ALG9: variants seen among roughly 807,000 people sequenced by gnomAD.
ALG9 encodes ALG9 alpha-1,2-mannosyltransferase, also known as alpha-1,2-mannosyltransferase ALG9.
A neutral mutation model predicts 81.8 loss-of-function variants in ALG9; 55 were observed. That is an observed-to-expected ratio of 0.67 (90% CI 0.54 to 0.84). ALG9 has a LOEUF of 0.84. Ranked by LOEUF, ALG9 falls within the 40% of genes least tolerant of loss-of-function variation. The probability of loss-of-function intolerance (pLI) is 0.00; values close to 1 mark genes in which losing one functional copy is unlikely to be tolerated. For missense variants in ALG9, 629 were observed against 745.0 expected (o/e 0.84, Z 1.81); for synonymous variants, 278 against 274.3 (o/e 1.01, Z -0.13).
intron 4 of ALG9, chr11:111,864,355 C>A: frequency 2.6e-6 from 2 of 769,586 alleles, no homozygotes; most frequent in South Asian, 1.4e-5. Flanking sequence ...CAGCTGCAGA[C>A]TTCAAACAAT....
intron 14 of ALG9, among the ~76,000 whole-genome samples, chr11:111,793,430 T>G (rs1555072295): frequency 6.6e-6 from 1 of 152,108 alleles, no homozygotes; most frequent in African/African-American, 2.4e-5. Flanking sequence ...GTATTGTTAT[T>G]GAAAAAAGGA....
chr11:111,793,212 GC>G lies in ALG9; in HGVS notation c.1734-6693del. ...GCCCAGACTAGTCTCAAACTCCCGG[GC>G]TCAAGCAATCCTCCCACCTTGGCCT... On this transcript the variant is annotated intron_variant, in intron 14 of 14. Transcript: ENST00000616540. 3.9e-5 allele frequency among the ~76,000 whole-genome samples: 6 copies of G among 152,088 alleles called. 1 individual carries two copies. Among genetic ancestry groups the G allele is most frequent in the Admixed American group, 3.9e-4 (6 of 15,276 alleles).
chr11:111,871,024 A>G, intron 1 of ALG9: 1 of 1,068,088 alleles, frequency 9.4e-7, no homozygotes, highest in Non-Finnish European at 1.1e-6. Context: ...GAATAAAAGG[A>G]GCTGTGAGGA....
At chr11:111,842,547 A>AAGT (rs1352373170) in intron 9 of ALG9, among the ~76,000 whole-genome samples, 1 of 151,706 alleles carries the variant, frequency 6.6e-6, no homozygotes, top group African/African-American at 2.4e-5. Flanking sequence ...TCAGCCTCCC[A>AAGT]AGTAGCTGGG....
intron 14 of ALG9, among the ~76,000 whole-genome samples, chr11:111,796,103 T>C (rs1948243482): frequency 6.6e-6 from 1 of 152,184 alleles, no homozygotes; most frequent in African/African-American, 2.4e-5. Context: ...AAATAAACAA[T>C]GAGTATGTCT....
At chr11:111,810,611 C>T (rs1950563837) in intron 13 of ALG9, among the ~76,000 whole-genome samples, 3 of 152,046 alleles carry the variant, frequency 2.0e-5, no homozygotes, top group Admixed American at 2.0e-4. Flanking sequence ...CAAAAATTAG[C>T]TAGGTGTGGT....
chr11:111,777,204 A>G (rs1945730347), downstream of ALG9, among the ~76,000 whole-genome samples: 1 of 152,214 alleles, frequency 6.6e-6, no homozygotes, highest in Non-Finnish European at 1.5e-5. Context: ...AACAGAACTG[A>G]AATTAGCTGA....
At chr11:111,777,581 G>A (rs1945735663), downstream of ALG9, among the ~76,000 whole-genome samples, 1 of 151,930 alleles carries the variant, frequency 6.6e-6, no homozygotes, top group South Asian at 2.1e-4. Context: ...GAAAACTTTG[G>A]CAATAAATTT....
intron 5 of ALG9, among the ~76,000 whole-genome samples, chr11:111,860,210 A>C (rs781992457): frequency 2.0e-5 from 3 of 152,212 alleles, no homozygotes; most frequent in Admixed American, 6.5e-5. Flanking sequence ...TTGATGCAAG[A>C]ATGGAATAGA....
At chr11:111,842,605 G>A (rs373469346) in intron 9 of ALG9, among the ~76,000 whole-genome samples, 20 of 151,412 alleles carry the variant, frequency 1.3e-4, no homozygotes, top group African/African-American at 2.7e-4. Context: ...AATTTTTTTC[G>A]TAGTGACAGG....
At position 111,860,608 on chromosome 11, in the gene ALG9, G is replaced by A. The variant is rs782753981; in HGVS notation, c.504C>T (p.His168=). The A allele has an allele frequency of 3.3e-5, 53 of 1,613,882 alleles. No individual in the cohort carries two copies. Among genetic ancestry groups the A allele is most frequent in the East Asian group, 2.5e-4 (11 of 44,876 alleles). Residue 168 remains histidine (H), a synonymous_variant, in exon 5 of 15, where the codon CAC becomes CAT. Coordinates refer to ENST00000616540, the MANE Select transcript of ALG9 (RefSeq NM_024740.2). The part of the protein sequence containing the change: ...YKAVCKKFGL[H]VSRMMLAFLV... The stretch of plus-strand genomic sequence containing the variant: ...AGAAGGCTAGCATCATTCGACTCAC[G>A]TGCAACCCAAACTTCTTGCACACAG...
intron 10 of ALG9, among the ~76,000 whole-genome samples, chr11:111,839,475 C>T (rs1592197247): frequency 6.6e-6 from 1 of 151,284 alleles, no homozygotes; most frequent in African/African-American, 2.4e-5. Context: ...GTCCCAGCTA[C>T]CCGGGGGACT....
At chr11:111,837,344 G>A (rs1955478057) in intron 12 of ALG9, 124 bp downstream of exon 12, 12 of 1,142,306 alleles carry the variant, frequency 1.1e-5, no homozygotes, top group Middle Eastern at 2.8e-4. Flanking sequence ...GCTCTCCGAC[G>A]TGGTAGATAA....
chr11:111,862,777 C>T (rs909850879), intron 4 of ALG9, among the ~76,000 whole-genome samples: 4 of 151,132 alleles, frequency 2.6e-5, no homozygotes, highest in South Asian at 4.2e-4. Flanking sequence ...ATTTGGTCAT[C>T]TCTTGTTTCT....
chr11:111,816,315 T>G (rs548848130), intron 13 of ALG9, among the ~76,000 whole-genome samples: 14 of 152,328 alleles, frequency 9.2e-5, no homozygotes, highest in African/African-American at 3.4e-4. Flanking sequence ...TAACATGTCC[T>G]TGTTCTTTTC....
At chr11:111,812,915 C>CAAAAAAAAAAAAAAAAAAAAA (rs57311061) in intron 13 of ALG9, among the ~76,000 whole-genome samples, 1 of 98,770 alleles carries the variant, frequency 1.0e-5, no homozygotes, top group African/African-American at 5.2e-5. Context: ...GACTCTGTCT[C>CAAAAAAAAAAAAAAAAAAAAA]AAAAAAAAAA....
At chr11:111,840,832 C>T in intron 9 of ALG9, 23 bp from the exon 10 acceptor site, 1 of 1,613,582 alleles carries the variant, frequency 6.2e-7, no homozygotes, top group Non-Finnish European at 8.5e-7. Flanking sequence ...GAAAAATACC[C>T]ATCTTTCATT....
At chr11:111,870,094 G>GA in intron 2 of ALG9, 138 bp downstream of exon 2, 1 of 1,106,022 alleles carries the variant, frequency 9.0e-7, no homozygotes, top group Admixed American at 3.5e-5. Context: ...TTATAGGCCT[G>GA]TTTTTTTGTT....
intron 4 of ALG9, among the ~76,000 whole-genome samples, chr11:111,860,874 A>G (rs1555147328): frequency 6.6e-6 from 1 of 152,250 alleles, no homozygotes; most frequent in African/African-American, 2.4e-5. Flanking sequence ...GATTATATCT[A>G]TCAAGTGGAA....
Sources: gnomAD v4.1 joint callset for allele counts (sites outside exome capture counted in the v4.1 genomes callset) on GRCh38, gnomAD v4.1.1 for gene constraint, MANE v1.5 for transcripts, NCBI Gene and HGNC (gene_info 2026-07-23, HGNC 2026-07-21) for gene names.